The following ITGA8 variants were observed in gnomAD, a reference collection of about 807,000 sequenced individuals.
ITGA8 encodes integrin alpha-8.
Under a neutral mutation model 142.3 loss-of-function variants are expected in ITGA8, and 91 were observed. The ratio of observed to expected loss-of-function variants is 0.64; its 90% CI spans 0.54 to 0.76. The LOEUF is 0.76. ITGA8 is among the 30% of genes least tolerant of loss of function. ITGA8 has a pLI of 0.00. For missense variants in ITGA8, 1,406 were observed against 1,327.7 expected, an observed-to-expected ratio of 1.06 and a Z score of -0.92; for synonymous variants, 505 against 485.2, an observed-to-expected ratio of 1.04 and a Z score of -0.54.
At chr10:15,623,772 C>G (rs1483523369) in intron 13 of ITGA8, among the ~76,000 whole-genome samples, 2 of 152,106 alleles carry the variant, frequency 1.3e-5, no homozygotes, top group Non-Finnish European at 2.9e-5. Flanking sequence ...GAGCTAAGAG[C>G]TTTGATAAAT....
intron 13 of ITGA8, among the ~76,000 whole-genome samples, chr10:15,623,748 C>T (rs1029652441): frequency 5.3e-5 from 8 of 152,002 alleles, no homozygotes; most frequent in Non-Finnish European, 8.8e-5. Context: ...AAATTTCATC[C>T]TTTTTAGTAA....
chr10:15,635,297 G>A (rs941406432), intron 13 of ITGA8, among the ~76,000 whole-genome samples: 8 of 152,008 alleles, frequency 5.3e-5, no homozygotes, highest in African/African-American at 1.2e-4. Flanking sequence ...AAGCCACTGC[G>A]CCCGGCCTTC....
intron 23 of ITGA8, among the ~76,000 whole-genome samples, chr10:15,585,732 A>G (rs1157930783): frequency 3.3e-5 from 5 of 152,134 alleles, no homozygotes; most frequent in Non-Finnish European, 7.4e-5. Context: ...CCAGGCATGG[A>G]TTTTGCAGCT....
chr10:15,589,940 T>C (rs1219847528), intron 22 of ITGA8, among the ~76,000 whole-genome samples: 1 of 151,926 alleles, frequency 6.6e-6, no homozygotes, highest in Non-Finnish European at 1.5e-5. Context: ...TTTTTGTACT[T>C]TTAGTAGAGA....
At chr10:15,611,769 G>A (rs1047507007) in intron 15 of ITGA8, among the ~76,000 whole-genome samples, 12 of 150,188 alleles carry the variant, frequency 8.0e-5, no homozygotes, top group Admixed American at 2.7e-4. Context: ...GTGAGCCACC[G>A]CGCCCGGCCC....
At chr10:15,586,049 A>ATTTTTTTTT (rs59435924) in intron 23 of ITGA8, among the ~76,000 whole-genome samples, 8 of 76,816 alleles carry the variant, frequency 1.0e-4, no homozygotes, top group African/African-American at 3.7e-4. Context: ...GAATAAAGTG[A>ATTTTTTTTT]TTTTTTTTTT....
intron 11 of ITGA8, among the ~76,000 whole-genome samples, chr10:15,650,968 C>T (rs2131659945): frequency 6.6e-6 from 1 of 152,248 alleles, no homozygotes; most frequent in South Asian, 2.1e-4. Context: ...AATGAACATA[C>T]TTGGGCTAAA....
intron 23 of ITGA8, among the ~76,000 whole-genome samples, chr10:15,583,086 C>A (rs1375166374): frequency 6.6e-6 from 1 of 152,160 alleles, no homozygotes; most frequent in Non-Finnish European, 1.5e-5. Context: ...TAAAAAGAAA[C>A]CATCATAGCA....
At chr10:15,597,785 C>T (rs776576705) in intron 20 of ITGA8, among the ~76,000 whole-genome samples, 2 of 152,176 alleles carry the variant, frequency 1.3e-5, no homozygotes, top group South Asian at 2.1e-4. Flanking sequence ...ATCATGCAAT[C>T]GACTTTCTTC....
At chr10:15,644,433 A>AATAT (rs57868499) in intron 12 of ITGA8, among the ~76,000 whole-genome samples, 3 of 42,452 alleles carry the variant, frequency 7.1e-5, no homozygotes, top group Non-Finnish European at 1.2e-4. Flanking sequence ...ATGTCAGGCT[A>AATAT]ATATATATAT....
chr10:15,614,655 C>A (rs185543565), intron 14 of ITGA8, among the ~76,000 whole-genome samples: 11 of 152,186 alleles, frequency 7.2e-5, no homozygotes, highest in African/African-American at 1.9e-4. Context: ...AGCCAAAGTC[C>A]TCAAATGACA....
At chr10:15,645,993 C>A (rs1407783079) in intron 12 of ITGA8, among the ~76,000 whole-genome samples, 1 of 152,138 alleles carries the variant, frequency 6.6e-6, no homozygotes, top group Non-Finnish European at 1.5e-5. Flanking sequence ...GTACATAACC[C>A]ATGTAGGCTG....
chr10:15,616,776 C>A (rs4342920), intron 13 of ITGA8, among the ~76,000 whole-genome samples: 2 of 152,012 alleles, frequency 1.3e-5, no homozygotes, highest in Non-Finnish European at 2.9e-5. Context: ...GGATCTCAAA[C>A]CCTTCTGTGC....
chr10:15,674,260 C>T (rs1438818943), intron 6 of ITGA8, among the ~76,000 whole-genome samples: 5 of 152,224 alleles, frequency 3.3e-5, no homozygotes. Context: ...TCCTCCATCC[C>T]ACATACACAC....
At chr10:15,648,999 G>A (rs1436403696) in intron 11 of ITGA8, among the ~76,000 whole-genome samples, 3 of 152,144 alleles carry the variant, frequency 2.0e-5, no homozygotes, top group Admixed American at 1.3e-4. Flanking sequence ...CCAGGGAGAG[G>A]CTGGGTGCTT....
chr10:15,642,044 C>A lies in ITGA8; in HGVS notation c.1399+1986G>T, dbSNP rs764211927. ...TTGGGAGGCTGAGGCAGGAGGACCG[C>A]TTGAACCCAGGAGGTGGAAGTTGCA... On this transcript the variant is annotated intron_variant, in intron 13 of 29. Coordinates refer to ENST00000378076, the MANE Select transcript of ITGA8 (RefSeq NM_003638.3). 1.8e-4 allele frequency among the ~76,000 whole-genome samples: 28 copies of A among 152,252 alleles called. No individual in the cohort carries two copies. In the Middle Eastern group the frequency reaches 0.01, roughly 55 times the overall value.
chr10:15,714,959 G>T (rs1236760687), intron 2 of ITGA8, among the ~76,000 whole-genome samples: 2 of 152,036 alleles, frequency 1.3e-5, no homozygotes, highest in Non-Finnish European at 1.5e-5. Context: ...GTAAAAGTAG[G>T]GTAAAAGACC....
At chr10:15,645,957 G>A (rs182408151) in intron 12 of ITGA8, among the ~76,000 whole-genome samples, 77 of 152,250 alleles carry the variant, frequency 5.1e-4, no homozygotes, top group African/African-American at 1.7e-3. Flanking sequence ...TGAAGCCTAC[G>A]TGCCAATTAA....
intron 29 of ITGA8, among the ~76,000 whole-genome samples, chr10:15,519,003 A>G (rs561531809): frequency 6.6e-6 from 1 of 152,352 alleles, no homozygotes; most frequent in South Asian, 2.1e-4. Context: ...ATTGGAAAGA[A>G]GATCACAGGC....
Sources: allele counts gnomAD v4.1 joint callset (sites outside exome capture counted in the v4.1 genomes callset), GRCh38; gene constraint gnomAD v4.1.1; transcripts MANE v1.5; gene names NCBI Gene and HGNC (gene_info 2026-07-23, HGNC 2026-07-21).